Variants in BRD4 observed in about 807,000 individuals in gnomAD.
BRD4 encodes the protein bromodomain-containing protein 4.
Under a neutral mutation model 142.1 loss-of-function variants are expected in BRD4, and 16 were observed. The ratio of observed to expected loss-of-function variants is 0.11; its 90% confidence interval spans 0.08 to 0.17. The LOEUF is 0.17. BRD4 is among the 10% of genes least tolerant of loss of function. BRD4 has a pLI of 1.00. For missense variants in BRD4, 1,424 were observed against 1,810.9 expected, an observed-to-expected ratio of 0.79 and a Z score of 3.88; for synonymous variants, 833 against 707.5, an observed-to-expected ratio of 1.18 and a Z score of -2.82.
rs202082244 is a variant in BRD4, at chr19:15,265,540, C to T, written c.663G>A (p.Thr221=). ...PQPNPPPVQA[T]PHPFPAVTPD... ...GGGTGACGGCAGGGAAGGGGTGAGG[C>T]GTGGCCTGCACAGGAGGAGGATTCG... The change falls in exon 5 of 20, where the codon ACG becomes ACA. Residue 221 remains threonine, a synonymous_variant. Transcript: ENST00000679869. 27 of 1,613,836 alleles carry T rather than the reference C, an allele frequency of 1.7e-5. No homozygotes were observed. Among genetic ancestry groups the T allele is most frequent in the Non-Finnish European group, 2.2e-5 (26 of 1,179,970 alleles).
At chr19:15,277,463 C>T (rs2145637738) in intron 1 of BRD4, among the ~76,000 whole-genome samples, 1 of 152,284 alleles carries the variant, frequency 6.6e-6, no homozygotes, top group African/African-American at 2.4e-5. Context: ...CAGCCTGCAA[C>T]ACTTGATCAG....
chr19:15,246,565 T>C (rs532897310), intron 11 of BRD4: 2 of 152,238 alleles, frequency 1.3e-5, no homozygotes, highest in Admixed American at 6.5e-5. Context: ...AAGGGAAGGA[T>C]ATGCTGGGGC....
At chr19:15,281,357 G>T (rs2047702870) in intron 1 of BRD4, among the ~76,000 whole-genome samples, 1 of 152,186 alleles carries the variant, frequency 6.6e-6, no homozygotes, top group South Asian at 2.1e-4. Flanking sequence ...GGGAGAGTGT[G>T]AGCCACACTC....
intron 1 of BRD4, among the ~76,000 whole-genome samples, chr19:15,315,152 GTTTTT>G (rs766690592): frequency 3.4e-5 from 5 of 148,702 alleles, no homozygotes; most frequent in African/African-American, 1.2e-4. Context: ...GACTGGCTTT[GTTTTT>G]TTTTTCCCCC....
At chr19:15,331,208 G>A (rs375228983) in intron 1 of BRD4, among the ~76,000 whole-genome samples, 1 of 152,328 alleles carries the variant, frequency 6.6e-6, no homozygotes, top group South Asian at 2.1e-4. Flanking sequence ...CAGCCACCCA[G>A]GAGAAGCACA....
chr19:15,325,909 A>T (rs1234190410), intron 1 of BRD4, among the ~76,000 whole-genome samples: 1 of 150,456 alleles, frequency 6.6e-6, no homozygotes, highest in Non-Finnish European at 1.5e-5. Context: ...GAGGCAGGAG[A>T]ATCACTTGAA....
chr19:15,295,268 C>T (rs755269954), intron 1 of BRD4, among the ~76,000 whole-genome samples: 5 of 152,178 alleles, frequency 3.3e-5, no homozygotes, highest in African/African-American at 4.8e-5. Flanking sequence ...GACAGGTTCC[C>T]GCATCTCTCT....
At position 15,257,674 on chromosome 19, in the gene BRD4, G is replaced by T. The variant is rs1324954207; in HGVS notation, c.1342-501C>A. 2.0e-5 allele frequency among the ~76,000 whole-genome samples: 3 copies of T among 152,184 alleles called. No individual in the cohort carries two copies. The East Asian group carries it at 5.8e-4, about 29-fold the overall frequency. ...TGCCACAAGCGCACCTCCTCTAGGG[G>T]ACTAGGCTCTGCTGTAGCAGACACG... On this transcript the variant is annotated intron_variant, in intron 7 of 19. Coordinates refer to ENST00000679869, the MANE Select transcript of BRD4 (RefSeq NM_001379291.1).
At chr19:15,297,213 A>C (rs1227404652) in intron 1 of BRD4, among the ~76,000 whole-genome samples, 1 of 152,178 alleles carries the variant, frequency 6.6e-6, no homozygotes, top group Non-Finnish European at 1.5e-5. Flanking sequence ...TACATTCTTA[A>C]CAAAAGACAC....
chr19:15,316,129 C>T (rs1369278132), intron 1 of BRD4, among the ~76,000 whole-genome samples: 1 of 124,028 alleles, frequency 8.1e-6, no homozygotes, highest in Non-Finnish European at 1.6e-5. Flanking sequence ...GCACTCCAGA[C>T]TGGGCGACAG....
At chr19:15,285,505 C>T (rs1369961788) in intron 1 of BRD4, among the ~76,000 whole-genome samples, 1 of 152,088 alleles carries the variant, frequency 6.6e-6, no homozygotes, top group Non-Finnish European at 1.5e-5. Flanking sequence ...ACAGAGGTTG[C>T]TGTGAGCCGA....
intron 11 of BRD4, among the ~76,000 whole-genome samples, chr19:15,251,927 C>CG (rs1479395602): frequency 6.6e-6 from 1 of 152,206 alleles, no homozygotes; most frequent in Non-Finnish European, 1.5e-5. Context: ...GCTGCATGAG[C>CG]GGCCAGGGCT....
Position 15,255,371 on chromosome 19 carries a change from G to T in BRD4, c.1973C>A (p.Thr658Asn). The change falls in exon 10 of 20, where the codon ACC (threonine) becomes AAC (asparagine). Residue 658 changes from threonine (T) to asparagine (N), a missense_variant. Coordinates refer to ENST00000679869, the MANE Select transcript of BRD4 (RefSeq NM_001379291.1). ...NPDEIEIDFE[T>N]LKPSTLRELE... ...CTCACGCAGTGTGGACGGCTTCAGG[G>T]TCTCAAAGTCGATTTCAATCTCGTC... is the stretch of plus-strand genomic sequence containing the variant. 1 of 1,614,080 alleles carries T rather than the reference G, an allele frequency of 6.2e-7. No individual in the cohort carries two copies. The highest frequency in any genetic ancestry group is 8.5e-7 in the Non-Finnish European group (1 of 1,180,006).
At chr19:15,251,221 C>A (rs1417798737) in intron 11 of BRD4, among the ~76,000 whole-genome samples, 12 of 152,106 alleles carry the variant, frequency 7.9e-5, no homozygotes, top group Admixed American at 7.9e-4. Context: ...AGGACCACCC[C>A]ACGCCTGCAT....
rs1435460565 is a variant in BRD4 at position 15,236,495 on chromosome 19, G to A, written c.*1882C>T. On this transcript the variant is annotated 3_prime_UTR_variant, in exon 20 of 20. Transcript: ENST00000679869. ...GTGGGAGAAGTGGCCCAAGTCCTTT[G>A]GTGAGTGGGGGGACAGGATGGAGTA... 6.6e-6 allele frequency: 1 copy of A among 150,992 alleles called. No individual in the cohort carries two copies. The highest frequency in any genetic ancestry group is 1.5e-5 in the Non-Finnish European group (1 of 67,810). The allele number at this position is 150,992 out of a possible 1,614,324, so 9.4% of individuals were successfully genotyped here. A position where few individuals can be genotyped will look rare whatever the true frequency, so the allele number is the denominator to read the frequency against.
At chr19:15,306,301 C>T (rs957002874) in intron 1 of BRD4, among the ~76,000 whole-genome samples, 2 of 152,186 alleles carry the variant, frequency 1.3e-5, no homozygotes, top group Admixed American at 6.5e-5. Flanking sequence ...AAGGGTATTG[C>T]TCTGTCATCC....
rs1268512499 is a variant in BRD4 at position 15,254,234 on chromosome 19, G to T, written c.2076C>A (p.Ser692=). ...QAEKVDVIAG[S]SKMKGFSSSE... is the part of the protein sequence containing the mutation. ...AGGACGAGAAGCCCTTCATCTTGGAGGAGCCGGCAATCACATCAACTTTCT... is the reference window on the plus strand; with the variant it reads ...AGGACGAGAAGCCCTTCATCTTGGATGAGCCGGCAATCACATCAACTTTCT... Residue 692 remains serine, a synonymous_variant, in exon 11 of 20, where the codon TCC becomes TCA. Transcript: ENST00000679869. 1.9e-6 allele frequency: 3 copies of T among 1,614,120 alleles called. No homozygotes were observed. Among genetic ancestry groups the T allele is most frequent in the African/African-American group, 2.7e-5 (2 of 74,958 alleles).
At chr19:15,301,516 G>A (rs932424104) in intron 1 of BRD4, among the ~76,000 whole-genome samples, 1 of 146,844 alleles carries the variant, frequency 6.8e-6, no homozygotes, top group Non-Finnish European at 1.5e-5. Flanking sequence ...AGCCGAGATC[G>A]CACCACACTG....
chr19:15,278,543 C>CAAAAAAAAAA (rs1235423521), intron 1 of BRD4, among the ~76,000 whole-genome samples: 3 of 74,886 alleles, frequency 4.0e-5, no homozygotes, highest in African/African-American at 5.5e-5. Flanking sequence ...CAACCCCCGC[C>CAAAAAAAAAA]AAAAAAAAAA....
Sources: allele counts gnomAD v4.1 joint callset (sites outside exome capture counted in the v4.1 genomes callset), GRCh38; gene constraint gnomAD v4.1.1; transcripts MANE v1.5; gene names NCBI Gene and HGNC (gene_info 2026-07-23, HGNC 2026-07-21).